The following AK4 variants were observed in gnomAD, a reference collection of about 807,000 sequenced individuals.
The protein encoded by AK4 is adenylate kinase 4.
In AK4, 13 loss-of-function variants were observed where a neutral mutation model predicts 24.6. The ratio of observed to expected loss-of-function variants is 0.53; its 90% CI spans 0.34 to 0.84. AK4 has a LOEUF of 0.84. AK4 is among the 40% of genes least tolerant of loss of function. The pLI is 0.01. For synonymous variants in AK4, 88 were observed against 107.0 expected (o/e 0.82, Z 1.10); for missense variants, 192 against 288.2 (o/e 0.67, Z 2.42).
At chr1:65,210,121 G>A (rs958894278) in intron 2 of AK4, among the ~76,000 whole-genome samples, 4 of 152,160 alleles carry the variant, frequency 2.6e-5, no homozygotes, top group Non-Finnish European at 4.4e-5. Flanking sequence ...TAAAAGTCTT[G>A]TAGATGAATA....
chr1:65,204,748 C>T (rs1158078279), intron 2 of AK4, among the ~76,000 whole-genome samples: 4 of 152,182 alleles, frequency 2.6e-5, no homozygotes, highest in South Asian at 4.1e-4. Context: ...TTAACCTCCT[C>T]TTACCCTTCA....
chr1:65,200,244 G>T (rs777681268), intron 2 of AK4, among the ~76,000 whole-genome samples: 3 of 152,090 alleles, frequency 2.0e-5, no homozygotes, highest in Non-Finnish European at 4.4e-5. Flanking sequence ...CTCCTGAGTA[G>T]CTGGGATTAT....
chr1:65,150,297 TA>T (rs1649727873), intron 1 of AK4, among the ~76,000 whole-genome samples: 1 of 151,472 alleles, frequency 6.6e-6, no homozygotes, highest in Admixed American at 6.6e-5. Flanking sequence ...TTTTTTTTTT[TA>T]ACTTTCCTGT....
At chr1:65,217,023 A>G (rs189944408) in intron 2 of AK4, among the ~76,000 whole-genome samples, 5 of 152,198 alleles carry the variant, frequency 3.3e-5, no homozygotes, top group Admixed American at 2.0e-4. Flanking sequence ...TTTTATTCCA[A>G]TTGCCATCTT....
chr1:65,169,226 C>T lies in AK4; in HGVS notation c.145+20674C>T, dbSNP rs150876189. 3.4e-3 allele frequency among the ~76,000 whole-genome samples: 518 copies of T among 151,594 alleles called. 4 individuals are homozygous for T. Among genetic ancestry groups the T allele is most frequent in the African/African-American group, 0.012 (498 of 41,356 alleles). On this transcript the variant is annotated intron_variant, in intron 1 of 4. Coordinates refer to ENST00000327299, the MANE Select transcript of AK4 (RefSeq NM_013410.4). ...AAAGAAAAGAAAAAAACACACTTAG[C>T]CTAAATATTGCAGGATATCATTCAG...
chr1:65,150,577 T>G (rs776272480), intron 1 of AK4, among the ~76,000 whole-genome samples: 2 of 152,200 alleles, frequency 1.3e-5, no homozygotes, highest in African/African-American at 4.8e-5. Context: ...GAGAATCTTA[T>G]AGGCTTACTG....
At chr1:65,170,624 G>T (rs566229168) in intron 1 of AK4, among the ~76,000 whole-genome samples, 300 of 152,294 alleles carry the variant, frequency 2.0e-3, no homozygotes, top group African/African-American at 7.0e-3. Context: ...CTGAGCTCTA[G>T]CTGGAACTGC....
chr1:65,186,289 C>T (rs2101033747), intron 1 of AK4, among the ~76,000 whole-genome samples: 1 of 152,174 alleles, frequency 6.6e-6, no homozygotes, highest in African/African-American at 2.4e-5. Context: ...GCATGCATCA[C>T]CATACCAAGC....
Position 65,229,810 on chromosome 1 carries a change from G to C in AK4, c.*3633G>C, listed in dbSNP as rs1185354094. 3 of 152,188 alleles carry C rather than the reference G, an allele frequency of 2.0e-5. No individual in the cohort carries two copies. Among genetic ancestry groups the C allele is most frequent in the Admixed American group, 1.3e-4 (2 of 15,282 alleles). The allele number at this position is 152,188 out of a possible 1,614,324, so 9.4% of individuals were successfully genotyped here. On this transcript the variant is annotated 3_prime_UTR_variant, in exon 5 of 5. Transcript: ENST00000327299. ...TACCCTTGAGCCGTCCCCAGCCATG[G>C]TGCTCACACATAGGCTTTTGAGCTC...
At chr1:65,150,618 A>G (rs1333476099) in intron 1 of AK4, among the ~76,000 whole-genome samples, 2 of 151,990 alleles carry the variant, frequency 1.3e-5, no homozygotes, top group Non-Finnish European at 2.9e-5. Context: ...TTTCCACGGT[A>G]TTTATTTTTC....
intron 1 of AK4, among the ~76,000 whole-genome samples, chr1:65,181,213 T>C (rs954671653): frequency 1.3e-5 from 2 of 150,790 alleles, no homozygotes; most frequent in African/African-American, 4.9e-5. Context: ...AGAAACAGAG[T>C]GTTATCAGTA....
chr1:65,159,969 CAAAAAAAAA>C (rs951802334), intron 1 of AK4, among the ~76,000 whole-genome samples: 1 of 63,350 alleles, frequency 1.6e-5, no homozygotes, highest in East Asian at 4.8e-4. Flanking sequence ...ACTATGTCTC[CAAAAAAAAA>C]AAAAAAAAAA....
chr1:65,173,824 C>T (rs1408199842), intron 1 of AK4, among the ~76,000 whole-genome samples: 1 of 151,478 alleles, frequency 6.6e-6, no homozygotes, highest in Non-Finnish European at 1.5e-5. Flanking sequence ...AATTGTGCCA[C>T]TGTACTCCAG....
At chr1:65,177,006 C>T (rs369168722) in intron 1 of AK4, among the ~76,000 whole-genome samples, 21 of 152,318 alleles carry the variant, frequency 1.4e-4, no homozygotes, top group Non-Finnish European at 2.4e-4. Context: ...TTTGTACTTT[C>T]GAGCTCAAAT....
intron 4 of AK4, among the ~76,000 whole-genome samples, chr1:65,225,115 G>A (rs999373241): frequency 2.6e-5 from 4 of 152,168 alleles, no homozygotes; most frequent in African/African-American, 9.7e-5. Context: ...TGCTTTGGAT[G>A]TAAAACAACA....
At chr1:65,170,142 G>C (rs112436703) in intron 1 of AK4, among the ~76,000 whole-genome samples, 17,872 of 152,098 alleles carry the variant, frequency 0.12, 1,388 homozygotes, top group Admixed American at 0.23. Context: ...TTTGGGAGGC[G>C]GAGGCGGGCG....
rs1649631711 is a variant in AK4, at chr1:65,148,233, G to A, written c.-175G>A. ...GCCTGCTACTCGGTCCCGGCGCTGG[G>A]CTGAGGGGAGGGGTTGTCTTAAAAG... On this transcript the variant is annotated 5_prime_UTR_variant, in exon 1 of 5. Coordinates refer to ENST00000327299, the MANE Select transcript of AK4 (RefSeq NM_013410.4). 1 of 1,241,918 alleles carries A rather than the reference G, an allele frequency of 8.1e-7. No homozygotes were observed. The highest frequency in any genetic ancestry group is 1.1e-6 in the Non-Finnish European group (1 of 930,024). 76.9% of individuals were successfully genotyped at this position (1,241,918 alleles called of 1,614,324 possible).
At chr1:65,178,659 C>G (rs946369331) in intron 1 of AK4, among the ~76,000 whole-genome samples, 3 of 152,188 alleles carry the variant, frequency 2.0e-5, no homozygotes, top group African/African-American at 7.2e-5. Flanking sequence ...CCAACATTTG[C>G]TAGCCCTTCA....
chr1:65,180,756 A>T (rs958023747), intron 1 of AK4, among the ~76,000 whole-genome samples: 17 of 152,170 alleles, frequency 1.1e-4, no homozygotes, highest in African/African-American at 4.1e-4. Flanking sequence ...AAGAATTATA[A>T]AGCTCTACAG....
Sources: gnomAD v4.1 joint callset for allele counts (sites outside exome capture counted in the v4.1 genomes callset) on GRCh38, gnomAD v4.1.1 for gene constraint, MANE v1.5 for transcripts, NCBI Gene and HGNC (gene_info 2026-07-23, HGNC 2026-07-21) for gene names.